The following SLC17A1 variants were observed in gnomAD, a reference collection of about 807,000 sequenced individuals.
The protein encoded by SLC17A1 is solute carrier family 17 member 1, also known as sodium-dependent phosphate transport protein 1.
In SLC17A1, 51 loss-of-function variants were observed where a neutral mutation model predicts 53.5. That is an observed-to-expected ratio of 0.95 (90% confidence interval 0.76 to 1.20). The LOEUF is 1.20. Among genes scored for constraint, SLC17A1 ranks in the 50% most tolerant of loss-of-function variants. The pLI is 0.00. For missense variants in SLC17A1, 538 were observed against 568.2 expected (o/e 0.95, Z 0.54); for synonymous variants, 179 against 198.8 (o/e 0.90, Z 0.84).
intron 10 of SLC17A1, among the ~76,000 whole-genome samples, chr6:25,805,211 C>A (rs1361271985): frequency 3.3e-5 from 5 of 151,906 alleles, no homozygotes; most frequent in Non-Finnish European, 7.4e-5. Context: ...TCTTCTCAGA[C>A]CACAATGGAA....
the SLC17A1 span, among the ~76,000 whole-genome samples, chr6:25,740,332 A>C: frequency 6.6e-6 from 1 of 152,184 alleles, no homozygotes; most frequent in Non-Finnish European, 1.5e-5. Flanking sequence ...GGAAAAAACA[A>C]ACCAAACACC....
chr6:25,828,274 C>T (rs1191611909), intron 2 of SLC17A1, among the ~76,000 whole-genome samples: 3 of 152,124 alleles, frequency 2.0e-5, no homozygotes, highest in Admixed American at 6.6e-5. Context: ...TGGCTCCACC[C>T]TCTGGGCTTT....
the SLC17A1 span, among the ~76,000 whole-genome samples, chr6:25,751,461 G>A: frequency 6.6e-6 from 1 of 152,260 alleles, no homozygotes; most frequent in Non-Finnish European, 1.5e-5. Context: ...GACTTGCTTT[G>A]CCCAATGAAA....
At chr6:25,827,709 G>A (rs1370055069) in intron 2 of SLC17A1, among the ~76,000 whole-genome samples, 1 of 152,088 alleles carries the variant, frequency 6.6e-6, no homozygotes, top group African/African-American at 2.4e-5. Flanking sequence ...ACTGATTTGG[G>A]ACCATAATAC....
At chr6:25,738,542 A>G in the SLC17A1 span, among the ~76,000 whole-genome samples, 14 of 151,594 alleles carry the variant, frequency 9.2e-5, no homozygotes, top group Admixed American at 9.2e-4. Flanking sequence ...TCCAGAAAAG[A>G]AAAAAAAAGT....
At chr6:25,824,838 T>TA (rs1456357527) in intron 3 of SLC17A1, among the ~76,000 whole-genome samples, 1 of 151,944 alleles carries the variant, frequency 6.6e-6, no homozygotes, top group Non-Finnish European at 1.5e-5. Flanking sequence ...TGTATTTTTC[T>TA]ATTCTTCCTT....
At chr6:25,770,045 A>G in the SLC17A1 span, 2 of 1,607,504 alleles carry the variant, frequency 1.2e-6, no homozygotes, top group Non-Finnish European at 1.7e-6. Flanking sequence ...AAAGACAAAC[A>G]GTAACTCTCT....
chr6:25,741,469 C>A, the SLC17A1 span, among the ~76,000 whole-genome samples: 1 of 149,396 alleles, frequency 6.7e-6, no homozygotes, highest in African/African-American at 2.5e-5. Flanking sequence ...AATCCCAGCA[C>A]TTTGGGAGGC....
chr6:25,744,999 T>C, the SLC17A1 span, among the ~76,000 whole-genome samples: 1 of 81,618 alleles, frequency 1.2e-5, no homozygotes, highest in South Asian at 4.4e-4. Context: ...TTTTCCTTCA[T>C]TTTTTTTTTG....
chr6:25,732,065 G>T, the SLC17A1 span: 1 of 1,223,176 alleles, frequency 8.2e-7, no homozygotes, highest in Non-Finnish European at 1.1e-6. Flanking sequence ...TCTCTTTGCG[G>T]CATCTCTTGC....
the SLC17A1 span, among the ~76,000 whole-genome samples, chr6:25,735,537 A>AC: frequency 6.6e-6 from 1 of 152,060 alleles, no homozygotes; most frequent in Non-Finnish European, 1.5e-5. Context: ...AAGTACCCAA[A>AC]CCATACAGTA....
At chr6:25,726,265 A>G in the SLC17A1 span, 1 of 1,614,048 alleles carries the variant, frequency 6.2e-7, no homozygotes, top group South Asian at 1.1e-5. Flanking sequence ...ATCATTGCGG[A>G]TCGCTAGCTG....
chr6:25,811,360 T>G (rs753533939), intron 10 of SLC17A1, 38 bp downstream of exon 10: 2 of 1,560,198 alleles, frequency 1.3e-6, no homozygotes, highest in African/African-American at 1.4e-5. Flanking sequence ...AATATTTATT[T>G]GTTAAAGGTT....
the SLC17A1 span, among the ~76,000 whole-genome samples, chr6:25,724,077 A>C: frequency 6.6e-6 from 1 of 152,226 alleles, no homozygotes. Flanking sequence ...AAAATACAGT[A>C]ATAAAAAAGA....
downstream of SLC17A1, chr6:25,778,988 G>C: frequency 6.3e-7 from 1 of 1,591,178 alleles, no homozygotes; most frequent in Non-Finnish European, 8.6e-7. Flanking sequence ...CAGAGCCAAA[G>C]CCTTTCTGAA....
the SLC17A1 span, chr6:25,727,359 A>C: frequency 2.2e-6 from 3 of 1,381,754 alleles, no homozygotes; most frequent in African/African-American, 4.3e-5. Context: ...ATACTGAAAC[A>C]GCTGTGGGCT....
At chr6:25,825,874 A>C (rs1561844019) in intron 3 of SLC17A1, among the ~76,000 whole-genome samples, 1 of 152,008 alleles carries the variant, frequency 6.6e-6, no homozygotes. Context: ...GTTTCTATTG[A>C]CCCATATTCA....
In SLC17A1 at chr6:25,812,062, C is replaced by T. The variant is rs561334252; in HGVS notation, c.898-292G>A. 3.3e-5 allele frequency among the ~76,000 whole-genome samples: 5 copies of T among 152,138 alleles called. No individual in the cohort carries two copies. The South Asian group carries it at 6.2e-4, about 19-fold the overall frequency. On this transcript the variant is annotated intron_variant, in intron 8 of 12. Transcript: ENST00000244527. ...AGACTACATTGGGAATAGGAAATAC[C>T]GGCCCTGGGGAAAATGATAGGATAA... is the stretch of plus-strand genomic sequence containing the variant.
the SLC17A1 span, among the ~76,000 whole-genome samples, chr6:25,739,104 A>G: frequency 6.8e-6 from 1 of 147,492 alleles, no homozygotes; most frequent in Non-Finnish European, 1.5e-5. Context: ...AATACTATAG[A>G]CCAAGTAGCT....
Sources: allele counts gnomAD v4.1 joint callset (sites outside exome capture counted in the v4.1 genomes callset), GRCh38; gene constraint gnomAD v4.1.1; transcripts MANE v1.5; gene names NCBI Gene and HGNC (gene_info 2026-07-23, HGNC 2026-07-21).